Variants in DGKI observed in about 807,000 individuals in gnomAD.
DGKI encodes the protein diacylglycerol kinase iota, also known as DAG kinase iota.
Under a neutral mutation model 147.5 loss-of-function variants are expected in DGKI, and 55 were observed. The observed-to-expected ratio is 0.37, with a 90% confidence interval of 0.30 to 0.47. The LOEUF is 0.47. Ranked by LOEUF, DGKI falls within the 20% of genes least tolerant of loss-of-function variation. DGKI has a pLI of 1.00. For missense variants in DGKI, 1,007 were observed against 1,323.8 expected (o/e 0.76, Z 3.71); for synonymous variants, 469 against 477.1 (o/e 0.98, Z 0.22).
At chr7:137,521,727 A>G (rs971203739) in intron 21 of DGKI, 139 bp downstream of exon 21, 2 of 645,222 alleles carry the variant, frequency 3.1e-6, no homozygotes, top group Admixed American at 3.1e-5. Context: ...TGGAGCCCAC[A>G]TGTTACTGTG....
At chr7:137,796,651 C>T (rs531324928) in intron 1 of DGKI, among the ~76,000 whole-genome samples, 97 of 152,028 alleles carry the variant, frequency 6.4e-4, no homozygotes, top group African/African-American at 2.0e-3. Flanking sequence ...TTCTAGAGTT[C>T]GAAAGTGCAA....
intron 1 of DGKI, among the ~76,000 whole-genome samples, chr7:137,809,159 C>T (rs374326965): frequency 7.8e-4 from 119 of 152,198 alleles, no homozygotes; most frequent in Middle Eastern, 3.4e-3. Flanking sequence ...GCAGTGGAGG[C>T]AAGAGAGCTT....
chr7:137,826,324 G>A (rs892549436), intron 1 of DGKI, among the ~76,000 whole-genome samples: 2 of 152,202 alleles, frequency 1.3e-5, no homozygotes, highest in Non-Finnish European at 2.9e-5. Flanking sequence ...GCCGGCCATC[G>A]TCCTAATCCT....
intron 21 of DGKI, among the ~76,000 whole-genome samples, chr7:137,490,231 T>G (rs1053652676): frequency 6.6e-6 from 1 of 152,226 alleles, no homozygotes; most frequent in Non-Finnish European, 1.5e-5. Flanking sequence ...ACTGCTGGGT[T>G]TAAATCCCAG....
chr7:137,493,933 C>A (rs1815866521), intron 21 of DGKI: 1 of 580,328 alleles, frequency 1.7e-6, no homozygotes, highest in Non-Finnish European at 3.1e-6. Flanking sequence ...CTAAAGAATA[C>A]AATAAAATGA....
intron 7 of DGKI, among the ~76,000 whole-genome samples, chr7:137,620,462 T>C (rs1585294789): frequency 6.6e-6 from 1 of 152,102 alleles, no homozygotes; most frequent in African/African-American, 2.4e-5. Context: ...TAGATATAAA[T>C]CCTCCCAGGT....
intron 3 of DGKI, among the ~76,000 whole-genome samples, chr7:137,678,339 C>T (rs1438795059): frequency 6.6e-6 from 1 of 152,194 alleles, no homozygotes; most frequent in Non-Finnish European, 1.5e-5. Flanking sequence ...GACACCAAGG[C>T]CTGGCCTGCA....
At chr7:137,491,706 A>G (rs1384500362) in intron 21 of DGKI, among the ~76,000 whole-genome samples, 1 of 152,194 alleles carries the variant, frequency 6.6e-6, no homozygotes, top group Non-Finnish European at 1.5e-5. Flanking sequence ...TTTCCACTCC[A>G]TGGATGTTCA....
At chr7:137,683,218 A>T (rs768175472) in intron 2 of DGKI, among the ~76,000 whole-genome samples, 3 of 151,896 alleles carry the variant, frequency 2.0e-5, no homozygotes, top group East Asian at 1.9e-4. Flanking sequence ...GAGAGCCATG[A>T]TTGTGCCTCT....
At chr7:137,477,501 TATACCATGGA>T (rs1217065837) in intron 23 of DGKI, among the ~76,000 whole-genome samples, 1 of 152,338 alleles carries the variant, frequency 6.6e-6, no homozygotes, top group East Asian at 1.9e-4. Flanking sequence ...GCATTAAATA[TATACCATGGA>T]ATAGAGTGAT....
intron 1 of DGKI, chr7:137,721,986 G>A: frequency 6.5e-7 from 1 of 1,543,674 alleles, no homozygotes; most frequent in Non-Finnish European, 8.7e-7. Context: ...CATCTTGCAA[G>A]ATGGCGGGTG....
chr7:137,696,184 G>A (rs1050575433), intron 1 of DGKI, among the ~76,000 whole-genome samples: 2 of 152,112 alleles, frequency 1.3e-5, no homozygotes, highest in Admixed American at 6.5e-5. Flanking sequence ...CTTCCACCAC[G>A]TGTCAGGCAG....
At chr7:137,451,265 C>T (rs1311502486) in intron 27 of DGKI, among the ~76,000 whole-genome samples, 1 of 152,098 alleles carries the variant, frequency 6.6e-6, no homozygotes, top group African/African-American at 2.4e-5. Flanking sequence ...TGAAATTACC[C>T]AACTAAACAC....
At chr7:137,801,002 G>T (rs1797188341) in intron 1 of DGKI, among the ~76,000 whole-genome samples, 1 of 152,224 alleles carries the variant, frequency 6.6e-6, no homozygotes, top group African/African-American at 2.4e-5. Flanking sequence ...ATCCCAAAAT[G>T]AATGTTGTTC....
chr7:137,506,061 A>G (rs1202537157), intron 21 of DGKI, among the ~76,000 whole-genome samples: 2 of 152,162 alleles, frequency 1.3e-5, no homozygotes, highest in East Asian at 3.9e-4. Context: ...GTTTCTCACA[A>G]AACTAAATAT....
At chr7:137,641,023 G>C (rs1351244794) in intron 6 of DGKI, among the ~76,000 whole-genome samples, 1 of 152,134 alleles carries the variant, frequency 6.6e-6, no homozygotes, top group East Asian at 1.9e-4. Flanking sequence ...TACATGTCAT[G>C]GGAGGAACCC....
chr7:137,721,803 G>GTTAC (rs1794565086), intron 1 of DGKI, among the ~76,000 whole-genome samples: 1 of 152,090 alleles, frequency 6.6e-6, no homozygotes, highest in African/African-American at 2.4e-5. Flanking sequence ...CTGTGCCCTG[G>GTTAC]TTACACTAAA....
intron 27 of DGKI, among the ~76,000 whole-genome samples, chr7:137,460,310 T>C (rs1409642553): frequency 1.3e-5 from 2 of 152,184 alleles, no homozygotes; most frequent in African/African-American, 2.4e-5. Context: ...TTTGCTGCAT[T>C]TTAAAAAATA....
At chr7:137,429,298 G>C (rs1812962034) in intron 28 of DGKI, among the ~76,000 whole-genome samples, 1 of 151,804 alleles carries the variant, frequency 6.6e-6, no homozygotes, top group South Asian at 2.1e-4. Flanking sequence ...AACAAGCAAT[G>C]GGGAAAGGAT....
Sources: allele counts gnomAD v4.1 joint callset (sites outside exome capture counted in the v4.1 genomes callset), GRCh38; gene constraint gnomAD v4.1.1; transcripts MANE v1.5; gene names NCBI Gene and HGNC (gene_info 2026-07-23, HGNC 2026-07-21).